Variants in RBSN observed in about 807,000 individuals in gnomAD.
RBSN encodes rabenosyn-5.
RBSN carries 34 observed loss-of-function variants against 60.5 expected under a neutral mutation model. The ratio of observed to expected loss-of-function variants is 0.56; its 90% CI spans 0.43 to 0.75. The LOEUF (loss-of-function observed/expected upper bound fraction) is 0.75, where lower values mean the gene tolerates loss of function less well. Ranked by LOEUF, RBSN falls within the 30% of genes least tolerant of loss-of-function variation. The probability of loss-of-function intolerance (pLI) is 0.00; values close to 1 mark genes in which losing one functional copy is unlikely to be tolerated. For synonymous variants in RBSN, 322 were observed against 366.9 expected (o/e 0.88, Z 1.40); for missense variants, 845 against 986.8 (o/e 0.86, Z 1.92).
chr3:15,090,568 G>A, intron 4 of RBSN, 29 bp from the exon 5 acceptor site: 2 of 1,608,300 alleles, frequency 1.2e-6, no homozygotes, highest in South Asian at 1.1e-5. Flanking sequence ...TAATACAAAT[G>A]AGCCATGAAG....
chr3:15,085,118 C>A, intron 6 of RBSN, 73 bp from the exon 7 acceptor site: 1 of 1,547,522 alleles, frequency 6.5e-7, no homozygotes, highest in Non-Finnish European at 8.9e-7. Flanking sequence ...TCCAATACAT[C>A]AAGTGGGAAA....
At chr3:15,086,988 G>A (rs928261923) in intron 5 of RBSN, among the ~76,000 whole-genome samples, 1 of 152,142 alleles carries the variant, frequency 6.6e-6, no homozygotes, top group Non-Finnish European at 1.5e-5. Context: ...TTCATTTATA[G>A]ACTATAATGT....
At chr3:15,086,367 A>G (rs2043342300) in intron 5 of RBSN, among the ~76,000 whole-genome samples, 1 of 152,234 alleles carries the variant, frequency 6.6e-6, no homozygotes, top group Non-Finnish European at 1.5e-5. Flanking sequence ...AATCTGCTAA[A>G]TTGTTAACCG....
At chr3:15,090,581 CA>C in intron 4 of RBSN, 42 bp from the exon 5 acceptor site, 5 of 1,603,794 alleles carry the variant, frequency 3.1e-6, no homozygotes, top group Non-Finnish European at 4.3e-6. Flanking sequence ...CCATGAAGAA[CA>C]CCCAGTAAAC....
At chr3:15,095,319 C>T (rs143450256) in intron 4 of RBSN, among the ~76,000 whole-genome samples, 1 of 150,534 alleles carries the variant, frequency 6.6e-6, no homozygotes, top group East Asian at 2.0e-4. Flanking sequence ...CCACTGTGCC[C>T]GCCCAGAGGA....
chr3:15,098,555 C>A lies in RBSN; in HGVS notation c.-500-281G>T, dbSNP rs561512136. On this transcript the variant is annotated intron_variant, in intron 1 of 13. Transcript: ENST00000253699. ...GCCACATGCCGCATCGACGACACAT[C>A]CCACAGCCGCACTCAACCCGGCCTC... Among the ~76,000 whole-genome samples, 8 of 151,320 alleles carry A rather than the reference C, an allele frequency of 5.3e-5. No individual in the cohort carries two copies. In the East Asian group the frequency reaches 1.6e-3, roughly 29 times the overall value.
chr3:15,082,241 A>T lies in RBSN; in HGVS notation c.840+126T>A. 1 of 1,303,114 alleles carries T rather than the reference A, an allele frequency of 7.7e-7. No homozygotes were observed. Among genetic ancestry groups the T allele is most frequent in the Non-Finnish European group, 1.1e-6 (1 of 940,234 alleles). 80.7% of individuals were successfully genotyped at this position (1,303,114 alleles called of 1,614,324 possible). Reference sequence around the variant, plus strand: ...TGGGAAATCATAACATGGGCCTTTAACAGGAACTACAAATAATTCAAACGA... The same window carrying T: ...TGGGAAATCATAACATGGGCCTTTATCAGGAACTACAAATAATTCAAACGA... On this transcript the variant is annotated intron_variant, in intron 9 of 13. Transcript: ENST00000253699. The surrounding 1 kb of genome is among the most constrained non-coding windows in gnomAD (Gnocchi z 4.2).
At chr3:15,095,848 C>T (rs760588382) in intron 4 of RBSN, 125 bp downstream of exon 4, 3 of 1,260,252 alleles carry the variant, frequency 2.4e-6, no homozygotes, top group African/African-American at 1.5e-5. Flanking sequence ...ACATGACAAA[C>T]ACTAGTCATC....
chr3:15,093,541 G>A (rs1270180060), intron 4 of RBSN, among the ~76,000 whole-genome samples: 1 of 152,126 alleles, frequency 6.6e-6, no homozygotes, highest in East Asian at 1.9e-4. Context: ...ACGAGTGCGT[G>A]CCACTATGAC....
chr3:15,087,156 C>T (rs918045391), intron 5 of RBSN, among the ~76,000 whole-genome samples: 1 of 152,162 alleles, frequency 6.6e-6, no homozygotes, highest in African/African-American at 2.4e-5. Flanking sequence ...ATATACTTAC[C>T]ACTTTTTGTG....
chr3:15,072,474 A>C lies in RBSN; in HGVS notation c.*1308T>G, dbSNP rs1051438809. ...AAGAAGGCTGATCAAATAGCCTTGG[A>C]AATTATTTTAATTTAGCTTCTGACT... On this transcript the variant is annotated 3_prime_UTR_variant, in exon 14 of 14. Transcript: ENST00000253699. The C allele has an allele frequency of 2.0e-5, 3 of 152,242 alleles. No homozygotes were observed. Among genetic ancestry groups the C allele is most frequent in the Non-Finnish European group, 4.4e-5 (3 of 68,042 alleles). The allele number at this position is 152,242 out of a possible 1,614,324, so 9.4% of individuals were successfully genotyped here. A position where few individuals can be genotyped will look rare whatever the true frequency, so the allele number is the denominator to read the frequency against.
intron 4 of RBSN, chr3:15,091,388 A>G: frequency 4.2e-6 from 5 of 1,199,822 alleles, no homozygotes; most frequent in Non-Finnish European, 5.3e-6. Context: ...GGTGTTCCCC[A>G]TAGGCTTAAC....
At position 15,096,277 on chromosome 3, in the gene RBSN, G is replaced by A. The variant is rs2043655504; in HGVS notation, c.-157C>T. The stretch of plus-strand genomic sequence containing the variant: ...CCCTGGATGAGGTTTCCTCTCTGGA[G>A]TAGGAGGAGCCCTAAGAAAGAAAAG... On this transcript the variant is annotated 5_prime_UTR_variant, in exon 4 of 14. Transcript: ENST00000253699. The A allele has an allele frequency of 2.9e-6, 2 of 687,868 alleles. No individual in the cohort carries two copies. The highest frequency in any genetic ancestry group is 1.8e-5 in the African/African-American group (1 of 54,514). The allele number at this position is 687,868 out of a possible 1,614,324, so 42.6% of individuals were successfully genotyped here. A position where few individuals can be genotyped will look rare whatever the true frequency, so the allele number is the denominator to read the frequency against.
intron 2 of RBSN, among the ~76,000 whole-genome samples, chr3:15,097,594 C>A (rs2043694975): frequency 6.6e-6 from 1 of 152,184 alleles, no homozygotes; most frequent in African/African-American, 2.4e-5. Context: ...AAGTTACATT[C>A]TCTTTCTTAC....
chr3:15,075,193 C>G (rs2043023313), intron 13 of RBSN: 1 of 581,918 alleles, frequency 1.7e-6, no homozygotes, highest in African/African-American at 1.9e-5. Context: ...AGGCCGTATA[C>G]TTTTCTTAAA....
At position 15,084,859 on chromosome 3, in the gene RBSN, C is replaced by T. The variant is rs1342404502; in HGVS notation, c.474G>A (p.Gln158=). 17 of 1,613,930 alleles carry T rather than the reference C, an allele frequency of 1.1e-5. No individual in the cohort carries two copies. Among genetic ancestry groups the T allele is most frequent in the Non-Finnish European group, 1.4e-5 (16 of 1,179,972 alleles). Residue 158 remains glutamine, a synonymous_variant, in exon 8 of 14, where the codon CAG becomes CAA. Coordinates refer to ENST00000253699, the MANE Select transcript of RBSN (RefSeq NM_022340.4). This position sits in a 1 kb window ranked among gnomAD's most constrained non-coding sequence, Gnocchi z 4.2. ...CACAGTCTGGACAGAAAGGGACATC[C>T]TGGTCGTTGACCCAAGGCACCACAG... ...EKSVVPWVND[Q]DVPFCPDCGN...
intron 10 of RBSN, among the ~76,000 whole-genome samples, chr3:15,080,270 T>G (rs962178423): frequency 1.3e-5 from 2 of 148,706 alleles, no homozygotes; most frequent in African/African-American, 4.9e-5. Context: ...AAAGCAGATG[T>G]CAGGATACAT....
At chr3:15,096,406 T>A in intron 3 of RBSN, 118 bp from the exon 4 acceptor site, 1 of 295,166 alleles carries the variant, frequency 3.4e-6, no homozygotes, top group Non-Finnish European at 6.2e-6. Context: ...AGTGCAAGTT[T>A]GAGAAAACAA....
chr3:15,081,079 T>G, intron 9 of RBSN: 2 of 355,392 alleles, frequency 5.6e-6, no homozygotes, highest in Non-Finnish European at 5.2e-6. Flanking sequence ...AATGGCGCGA[T>G]CTCCACTCAC....
Sources: gnomAD v4.1 joint callset for allele counts (sites outside exome capture counted in the v4.1 genomes callset) on GRCh38, gnomAD v4.1.1 for gene constraint, Gnocchi (gnomAD v3.1) non-coding constraint, MANE v1.5 for transcripts, NCBI Gene and HGNC (gene_info 2026-07-23, HGNC 2026-07-21) for gene names.